TMEM192: variants seen among roughly 807,000 people sequenced by gnomAD.
TMEM192 encodes transmembrane protein 192.
Under a neutral mutation model 26.7 loss-of-function variants are expected in TMEM192, and 20 were observed. That is an observed-to-expected ratio of 0.75 (90% CI 0.53 to 1.09). The LOEUF (loss-of-function observed/expected upper bound fraction) is 1.09, where lower values mean the gene tolerates loss of function less well. Among genes scored for constraint, TMEM192 ranks in the 50% least tolerant of loss-of-function variants. The pLI is 0.00. For synonymous variants in TMEM192, 124 were observed against 121.0 expected (o/e 1.02, Z -0.16); for missense variants, 304 against 322.6 (o/e 0.94, Z 0.44).
chr4:165,081,248 T>TC (rs934397388), intron 5 of TMEM192, among the ~76,000 whole-genome samples: 1 of 151,512 alleles, frequency 6.6e-6, no homozygotes, highest in Non-Finnish European at 1.5e-5. Flanking sequence ...TTTTTTTTTT[T>TC]CTGAGCTGGG....
chr4:165,090,892 C>T (rs1481587330), intron 3 of TMEM192, among the ~76,000 whole-genome samples: 3 of 109,488 alleles, frequency 2.7e-5, no homozygotes, highest in Admixed American at 1.4e-4. Flanking sequence ...GACTGGGCGA[C>T]GGAGAGAGAC....
At position 165,085,628 on chromosome 4, in the gene TMEM192, A is replaced by AT. The variant is rs780881872; in HGVS notation, c.634dup (p.Ile212AsnfsTer25). 10 of 1,612,770 alleles carry AT rather than the reference A, an allele frequency of 6.2e-6. No homozygotes were observed. Among genetic ancestry groups the AT allele is most frequent in the South Asian group, 3.3e-5 (3 of 90,692 alleles). On this transcript the variant is annotated frameshift_variant, in exon 5 of 6. Coordinates refer to ENST00000306480, the MANE Select transcript of TMEM192 (RefSeq NM_001100389.2). LOFTEE classifies it low-confidence loss of function (END_TRUNC). The stretch of plus-strand genomic sequence containing the variant: ...GGTAATATTGCTGGGGTAAGCATAG[A>AT]TTTTTTCTTCTTCAAGTATATCAGG...
chr4:165,085,805 A>G, intron 4 of TMEM192, 117 bp from the exon 5 acceptor site: 1 of 692,748 alleles, frequency 1.4e-6, no homozygotes, highest in Non-Finnish European at 2.4e-6. Context: ...AAATTCTACT[A>G]TGTGCCAGGC....
chr4:165,073,573 T>G lies in TMEM192; in HGVS notation c.*6085A>C, dbSNP rs898000918. 3.3e-5 allele frequency: 5 copies of G among 151,018 alleles called. No individual in the cohort carries two copies. The highest frequency in any genetic ancestry group is 1.2e-4 in the African/African-American group (5 of 41,010). 9.4% of individuals were successfully genotyped at this position (151,018 alleles called of 1,614,324 possible). A position where few individuals can be genotyped will look rare whatever the true frequency, so the allele number is the denominator to read the frequency against. ...GTAAAGGGTCTGTGCTGAGGAGGAG[T>G]AGTGAAAGAGGGAGGCCTCTTTGCA... is the stretch of plus-strand genomic sequence containing the variant. On this transcript the variant is annotated 3_prime_UTR_variant, in exon 6 of 6. Coordinates refer to ENST00000306480, the MANE Select transcript of TMEM192 (RefSeq NM_001100389.2).
At chr4:165,090,409 G>C (rs1417739339) in intron 3 of TMEM192, among the ~76,000 whole-genome samples, 1 of 151,520 alleles carries the variant, frequency 6.6e-6, no homozygotes, top group Non-Finnish European at 1.5e-5. Flanking sequence ...ATTGAACAAT[G>C]AGTTCTGATG....
chr4:165,085,521 A>G lies in TMEM192; in HGVS notation c.677+65T>C, dbSNP rs566875676. ...AAATACACAATCATAAATTCCAAGC[A>G]TCAGAATGGTTTCTAGCTTTCTAGG... is the stretch of plus-strand genomic sequence containing the variant. On this transcript the variant is annotated intron_variant, in intron 5 of 5. Coordinates refer to ENST00000306480, the MANE Select transcript of TMEM192 (RefSeq NM_001100389.2). The G allele has an allele frequency of 2.9e-6, 3 of 1,026,014 alleles. No homozygotes were observed. In the East Asian group the frequency reaches 7.2e-5, roughly 25 times the overall value. 63.6% of individuals were successfully genotyped at this position (1,026,014 alleles called of 1,614,324 possible). A position where few individuals can be genotyped will look rare whatever the true frequency, so the allele number is the denominator to read the frequency against.
intron 3 of TMEM192, among the ~76,000 whole-genome samples, chr4:165,092,207 T>C (rs1047578591): frequency 7.1e-6 from 1 of 140,606 alleles, no homozygotes; most frequent in South Asian, 2.4e-4. Flanking sequence ...CTGCAACCTC[T>C]GCCTCCTGGG....
At chr4:165,103,992 C>T (rs959537856) in intron 1 of TMEM192, among the ~76,000 whole-genome samples, 4 of 152,180 alleles carry the variant, frequency 2.6e-5, no homozygotes, top group Admixed American at 6.5e-5. Flanking sequence ...AACTCTTGGC[C>T]GCAAGCTGCA....
At chr4:165,095,097 C>T (rs1007017983) in intron 3 of TMEM192, among the ~76,000 whole-genome samples, 5 of 152,108 alleles carry the variant, frequency 3.3e-5, no homozygotes, top group Non-Finnish European at 5.9e-5. Context: ...CATGCCTGGG[C>T]TCCAGTGTAG....
rs1219276951 is a variant in TMEM192 at position 165,074,438 on chromosome 4, A to T, written c.*5220T>A. The T allele has an allele frequency of 6.6e-6, 1 of 150,922 alleles. No individual in the cohort carries two copies. Among genetic ancestry groups the T allele is most frequent in the Non-Finnish European group, 1.5e-5 (1 of 67,864 alleles). 9.3% of individuals were successfully genotyped at this position (150,922 alleles called of 1,614,324 possible). The stretch of plus-strand genomic sequence containing the variant: ...ACCAGATGTGAGTTTTGTATTCAAG[A>T]TTTATTTATTTATTTATTTATTTAT... On this transcript the variant is annotated 3_prime_UTR_variant, in exon 6 of 6. Coordinates refer to ENST00000306480, the MANE Select transcript of TMEM192 (RefSeq NM_001100389.2).
In TMEM192 at chr4:165,079,491, C is replaced by A; in HGVS notation, c.*167G>T. 1.6e-6 allele frequency: 1 copy of A among 643,970 alleles called. No individual in the cohort carries two copies. Among genetic ancestry groups the A allele is most frequent in the African/African-American group, 1.9e-5 (1 of 53,466 alleles). The allele number at this position is 643,970 out of a possible 1,614,324, so 39.9% of individuals were successfully genotyped here. ...GTACTTTTCAAGTGACCCACAAGCC[C>A]TATATTTTAAACAGCCACAGAAGTC... On this transcript the variant is annotated 3_prime_UTR_variant, in exon 6 of 6. Coordinates refer to ENST00000306480, the MANE Select transcript of TMEM192 (RefSeq NM_001100389.2).
Position 165,078,189 on chromosome 4 carries a change from C to T in TMEM192, c.*1469G>A, listed in dbSNP as rs1734432710. ...GTGGCCAAATCAATATATCCCTTGC[C>T]TATATAGTTATATCGAACACATCCC... On this transcript the variant is annotated 3_prime_UTR_variant, in exon 6 of 6. Transcript: ENST00000306480. 1 of 152,196 alleles carries T rather than the reference C, an allele frequency of 6.6e-6. No homozygotes were observed. The highest frequency in any genetic ancestry group is 1.5e-5 in the Non-Finnish European group (1 of 68,040). The allele number at this position is 152,196 out of a possible 1,614,324, so 9.4% of individuals were successfully genotyped here.
chr4:165,096,519 G>C (rs985856456), intron 3 of TMEM192, among the ~76,000 whole-genome samples: 7 of 151,706 alleles, frequency 4.6e-5, no homozygotes, highest in Admixed American at 1.3e-4. Flanking sequence ...CCACCCAAAG[G>C]TAAATAATTT....
At chr4:165,094,516 G>C (rs1734846011) in intron 3 of TMEM192, among the ~76,000 whole-genome samples, 1 of 152,084 alleles carries the variant, frequency 6.6e-6, no homozygotes, top group Non-Finnish European at 1.5e-5. Context: ...AATTAGACGG[G>C]TGGGGCGGTG....
At chr4:165,093,934 T>C (rs957928727) in intron 3 of TMEM192, among the ~76,000 whole-genome samples, 2 of 152,122 alleles carry the variant, frequency 1.3e-5, no homozygotes, top group African/African-American at 2.4e-5. Flanking sequence ...AGTTTTGCTC[T>C]TGTTGCCCAG....
rs757801004 is a variant in TMEM192, at chr4:165,088,448, A to C, written c.574+20T>G. The C allele has an allele frequency of 2.5e-6, 4 of 1,606,530 alleles. No homozygotes were observed. In the Admixed American group the frequency reaches 6.8e-5, roughly 27 times the overall value. On this transcript the variant is annotated intron_variant, in intron 4 of 5. Coordinates refer to ENST00000306480, the MANE Select transcript of TMEM192 (RefSeq NM_001100389.2). ...AGCAGTTCGAAGTTCCTATAAGAAC[A>C]GGCTCGTTGTAATTCTCACCTGTGT...
At chr4:165,105,896 G>T (rs74674680) in intron 1 of TMEM192, among the ~76,000 whole-genome samples, 1,772 of 152,240 alleles carry the variant, frequency 0.012, 12 homozygotes, top group South Asian at 0.031. Flanking sequence ...AAGCCATGAG[G>T]GTTCCCCCCC....
rs190673725 is a variant in TMEM192 at position 165,087,727 on chromosome 4, G to A, written c.574+741C>T. ...GGCCAAGGCGGGCGGATCACCTGAG[G>A]TCAGGAGTTAGAGACCATCCTGGCC... On this transcript the variant is annotated intron_variant, in intron 4 of 5. Transcript: ENST00000306480. 1.8e-4 allele frequency among the ~76,000 whole-genome samples: 28 copies of A among 152,238 alleles called. No individual in the cohort carries two copies. The East Asian group carries it at 4.8e-3, about 26-fold the overall frequency.
rs561426775 is a variant in TMEM192 at position 165,112,785 on chromosome 4, G to A, written c.-12C>T. On this transcript the variant is annotated 5_prime_UTR_variant, in exon 1 of 6. Transcript: ENST00000306480. ...CCCCCCGCCGCCATTTCCCGACGCC[G>A]GAGGCCGAAGCCCTGGCCAGCCCGG... 51 of 1,606,188 alleles carry A rather than the reference G, an allele frequency of 3.2e-5. No individual in the cohort carries two copies. In the African/African-American group the frequency reaches 5.8e-4, roughly 18 times the overall value.
Sources: gnomAD v4.1 joint callset for allele counts (sites outside exome capture counted in the v4.1 genomes callset) on GRCh38, gnomAD v4.1.1 for gene constraint, MANE v1.5 for transcripts, NCBI Gene and HGNC (gene_info 2026-07-23, HGNC 2026-07-21) for gene names.